FANCE: variants seen among roughly 807,000 people sequenced by gnomAD.
FANCE encodes the protein Fanconi anemia group E protein.
FANCE carries 42 observed loss-of-function variants against 57.8 expected under a neutral mutation model. That is an observed-to-expected ratio of 0.73 (90% confidence interval 0.57 to 0.94). FANCE has a LOEUF of 0.94. Ranked by LOEUF, FANCE falls within the 40% of genes least tolerant of loss-of-function variation. FANCE has a pLI of 0.00. For missense variants in FANCE, 608 were observed against 661.8 expected, an observed-to-expected ratio of 0.92 and a Z score of 0.89; for synonymous variants, 251 against 286.4, an observed-to-expected ratio of 0.88 and a Z score of 1.25.
rs45492197 is a variant in FANCE, at chr6:35,465,237, G to C, written c.1510-1007G>C. Among the ~76,000 whole-genome samples the C allele has an allele frequency of 2.6e-5, 4 of 151,676 alleles. No individual in the cohort carries two copies. In the East Asian group the frequency reaches 7.8e-4, roughly 30 times the overall value. On this transcript the variant is annotated intron_variant, in intron 9 of 9. Coordinates refer to ENST00000229769, the MANE Select transcript of FANCE (RefSeq NM_021922.3). ...TGCCCAGGCTGGAGTGCAGTGGCGC[G>C]ATCTTGGCTCACTGCAACCTCCGCC...
At position 35,456,123 on chromosome 6, in the gene FANCE, G is replaced by A. The variant is rs539200047; in HGVS notation, c.625G>A (p.Ala209Thr). The change falls in exon 2 of 10, where the codon GCC (alanine) becomes ACC (threonine). Residue 209 changes from alanine to threonine, a missense_variant. Ala to Thr is a moderately conservative substitution (Grantham distance 58). Coordinates refer to ENST00000229769, the MANE Select transcript of FANCE (RefSeq NM_021922.3). The surrounding 1 kb of genome is among the most constrained non-coding windows in gnomAD (Gnocchi z 4.3). The part of the protein sequence containing the change: ...KRRKDSEEEA[A>T]SPEGKRVPKR... ...CAGAAAGGACTCAGAGGAAGAGGCTGCCAGTCCTGAGGGGAAGAGGGTCCC... is the reference window on the plus strand; with the variant it reads ...CAGAAAGGACTCAGAGGAAGAGGCTACCAGTCCTGAGGGGAAGAGGGTCCC... 5.0e-6 allele frequency: 8 copies of A among 1,614,084 alleles called. 1 individual carries two copies. In the South Asian group the frequency reaches 6.6e-5, roughly 13 times the overall value.
chr6:35,453,985 T>C (rs1462745029), intron 1 of FANCE, among the ~76,000 whole-genome samples: 1 of 152,110 alleles, frequency 6.6e-6, no homozygotes, highest in African/African-American at 2.4e-5. Flanking sequence ...TTTCCTGGAG[T>C]AGGGTCTTCC....
At chr6:35,461,080 G>T (rs1269738537) in intron 8 of FANCE, among the ~76,000 whole-genome samples, 1 of 151,970 alleles carries the variant, frequency 6.6e-6, no homozygotes, top group Non-Finnish European at 1.5e-5. Context: ...CACCACGCTG[G>T]CTAATTTTTG....
chr6:35,464,342 A>C (rs1457111311), intron 9 of FANCE, among the ~76,000 whole-genome samples: 4 of 140,462 alleles, frequency 2.8e-5, no homozygotes, highest in Non-Finnish European at 4.5e-5. Context: ...GGTTCACGCC[A>C]TTCTCCTGCC....
intron 1 of FANCE, among the ~76,000 whole-genome samples, chr6:35,454,072 G>GT (rs60976228): frequency 0.16 from 23,804 of 145,000 alleles, 3,056 homozygotes; most frequent in African/African-American, 0.36. Flanking sequence ...TGTTTGTTTT[G>GT]TTTTTTTTTT....
In FANCE at chr6:35,456,494, G is replaced by A. The variant is rs923234961; in HGVS notation, c.855+141G>A. 3.7e-6 allele frequency: 4 copies of A among 1,074,396 alleles called. No homozygotes were observed. The South Asian group carries it at 5.0e-5, about 13-fold the overall frequency. The allele number at this position is 1,074,396 out of a possible 1,614,324, so 66.6% of individuals were successfully genotyped here. On this transcript the variant is annotated intron_variant, in intron 2 of 9. Transcript: ENST00000229769. The surrounding 1 kb of genome is among the most constrained non-coding windows in gnomAD (Gnocchi z 4.3). ...AAGAAGGAGGAAGGTAGGGTTGAGG[G>A]AATGTAGCCTCCACTCTACAGACTC...
intron 7 of FANCE, among the ~76,000 whole-genome samples, chr6:35,460,232 C>T (rs45500193): frequency 0.038 from 5,801 of 152,004 alleles, 171 homozygotes; most frequent in South Asian, 0.1. Flanking sequence ...TCTCCTGTCT[C>T]GGCCTCCTGA....
At chr6:35,452,886 G>T in intron 1 of FANCE, 93 bp downstream of exon 1, 5 of 1,205,820 alleles carry the variant, frequency 4.1e-6, no homozygotes, top group South Asian at 3.4e-5. Context: ...CCCCTTCAGC[G>T]ACGGCCTGCC....
In FANCE at chr6:35,459,663, T is replaced by C; in HGVS notation, c.1238-19T>C. 1.2e-6 allele frequency: 2 copies of C among 1,613,556 alleles called. No homozygotes were observed. The highest frequency in any genetic ancestry group is 1.7e-6 in the Non-Finnish European group (2 of 1,179,466). On this transcript the variant is annotated intron_variant, in intron 6 of 9. Coordinates refer to ENST00000229769, the MANE Select transcript of FANCE (RefSeq NM_021922.3). Reference sequence around the variant, plus strand: ...TGCCATTTCCCCCCAGACTTCCCCTTCTGCTGTCCTCTACCCAGGTCCTGC... The same window carrying C: ...TGCCATTTCCCCCCAGACTTCCCCTCCTGCTGTCCTCTACCCAGGTCCTGC...
Position 35,458,408 on chromosome 6 carries a change from A to G in FANCE, c.1081A>G (p.Thr361Ala), listed in dbSNP as rs1376992586. ...LSPDLSLSNA[T>A]VLTRSLFLGR... ...ACCTGATCTCAGCCTCAGCAATGCT[A>G]CTGTGCTGACCAGAAGCCTCTTTCT... Residue 361 changes from threonine to alanine, a missense_variant, in exon 5 of 10, where the codon ACT (threonine) becomes GCT (alanine). Thr to Ala is a moderately conservative substitution (Grantham distance 58, BLOSUM62 0). Coordinates refer to ENST00000229769, the MANE Select transcript of FANCE (RefSeq NM_021922.3). 1.2e-6 allele frequency: 2 copies of G among 1,614,082 alleles called. No individual in the cohort carries two copies. Among genetic ancestry groups the G allele is most frequent in the Non-Finnish European group, 8.5e-7 (1 of 1,179,996 alleles).
chr6:35,464,300 G>A (rs1305291237), intron 9 of FANCE, among the ~76,000 whole-genome samples: 12 of 133,042 alleles, frequency 9.0e-5, no homozygotes, highest in African/African-American at 8.5e-5. Context: ...GTGCAGTGGC[G>A]CATCTCGGCT....
chr6:35,460,466 C>A, intron 7 of FANCE, 86 bp from the exon 8 acceptor site: 1 of 1,357,652 alleles, frequency 7.4e-7, no homozygotes, highest in Non-Finnish European at 1.1e-6. Flanking sequence ...CAGGGCCTTG[C>A]CCTGCTGTGG....
At chr6:35,463,368 A>G (rs1021146117) in intron 9 of FANCE, among the ~76,000 whole-genome samples, 1 of 152,280 alleles carries the variant, frequency 6.6e-6, no homozygotes, top group South Asian at 2.1e-4. Flanking sequence ...CAAGCCCAGG[A>G]CTGGGGAATG....
intron 2 of FANCE, 47 bp from the exon 3 acceptor site, chr6:35,457,509 A>G: frequency 1.2e-6 from 2 of 1,609,448 alleles, no homozygotes; most frequent in East Asian, 2.2e-5. Context: ...GCTTGGGGTC[A>G]TGCTGCAGGG....
intron 2 of FANCE, 142 bp from the exon 3 acceptor site, chr6:35,457,414 C>G (rs1160528840): frequency 3.5e-6 from 3 of 847,032 alleles, no homozygotes; most frequent in Non-Finnish European, 5.8e-6. Flanking sequence ...AGCCACCGCG[C>G]TTGGCCTCTT....
intron 9 of FANCE, among the ~76,000 whole-genome samples, chr6:35,463,979 A>G (rs1270734471): frequency 6.6e-6 from 1 of 151,874 alleles, no homozygotes; most frequent in Non-Finnish European, 1.5e-5. Flanking sequence ...GACTCTTAAA[A>G]GGTGAATGGT....
intron 9 of FANCE, 89 bp downstream of exon 9, chr6:35,463,003 T>G: frequency 6.3e-7 from 1 of 1,581,122 alleles, no homozygotes. Context: ...ATGTCAGGGA[T>G]AAAACCCTGA....
intron 9 of FANCE, among the ~76,000 whole-genome samples, chr6:35,465,668 G>C (rs1161217700): frequency 6.6e-6 from 1 of 152,184 alleles, no homozygotes; most frequent in Non-Finnish European, 1.5e-5. Context: ...CTAGGCAGAA[G>C]GACCTCCAAT....
At position 35,458,315 on chromosome 6, in the gene FANCE, C is replaced by T; in HGVS notation, c.988C>T (p.Gln330Ter). ...TAAGCAGATGGACTTGCTGTGTGCCCAGCTGCAGCTCCCTCAGCTCTCAGA... is the reference window on the plus strand; with the variant it reads ...TAAGCAGATGGACTTGCTGTGTGCCTAGCTGCAGCTCCCTCAGCTCTCAGA... ...SPSQMDLLCA[Q>*]LQLPQLSDLG... is the part of the protein sequence containing the mutation. Residue 330 changes from glutamine to a stop codon, truncating the protein, a stop_gained, in exon 5 of 10, where the codon CAG becomes TAG. Coordinates refer to ENST00000229769, the MANE Select transcript of FANCE (RefSeq NM_021922.3). LOFTEE classifies it high-confidence loss of function. 2 of 1,614,040 alleles carry T rather than the reference C, an allele frequency of 1.2e-6. No individual in the cohort carries two copies. The highest frequency in any genetic ancestry group is 1.7e-6 in the Non-Finnish European group (2 of 1,180,028).
Sources: gnomAD v4.1 joint callset for allele counts (sites outside exome capture counted in the v4.1 genomes callset) on GRCh38, gnomAD v4.1.1 for gene constraint, Gnocchi (gnomAD v3.1) non-coding constraint, MANE v1.5 for transcripts, NCBI Gene and HGNC (gene_info 2026-07-23, HGNC 2026-07-21) for gene names.